Variants in UNC5D observed in about 807,000 individuals in gnomAD.
UNC5D encodes unc-5 netrin receptor D.
In UNC5D, 39 loss-of-function variants were observed where a neutral mutation model predicts 105.4. The ratio of observed to expected loss-of-function variants is 0.37; its 90% CI spans 0.29 to 0.48. The LOEUF is 0.48. Among genes scored for constraint, UNC5D ranks in the 20% least tolerant of loss-of-function variants. The pLI, the probability that UNC5D is intolerant of heterozygous loss-of-function variation, is 0.98. For missense variants in UNC5D, 991 were observed against 1,202.4 expected (o/e 0.82, Z 2.60); for synonymous variants, 452 against 450.4 (o/e 1.00, Z -0.04).
At chr8:35,478,009 G>A (rs947278061) in intron 1 of UNC5D, among the ~76,000 whole-genome samples, 1 of 152,036 alleles carries the variant, frequency 6.6e-6, no homozygotes, top group Non-Finnish European at 1.5e-5. Flanking sequence ...TGAAGAGAAA[G>A]CCTTATATTA....
chr8:35,734,782 A>ATTTTTTTTTTTTT (rs1171276656), intron 11 of UNC5D, among the ~76,000 whole-genome samples: 2 of 126,724 alleles, frequency 1.6e-5, no homozygotes, highest in African/African-American at 6.4e-5. Flanking sequence ...CACACTTTAA[A>ATTTTTTTTTTTTT]TTTTTTTTTT....
chr8:35,380,091 G>GT lies in UNC5D; in HGVS notation c.103+144204_103+144205insT, dbSNP rs903684605. ...CTCTTAACCTATAATTGGGGGTGGG[G>GT]GGGGGGTCGGGGAGAGAGAGAGAGA... is the stretch of plus-strand genomic sequence containing the variant. On this transcript the variant is annotated intron_variant, in intron 1 of 16. Transcript: ENST00000404895. Among the ~76,000 whole-genome samples the GT allele has an allele frequency of 1.3e-4, 14 of 108,688 alleles. No individual in the cohort carries two copies. In the East Asian group the frequency reaches 3.6e-3, roughly 28 times the overall value. The allele number at this position is 108,688 out of a possible 152,430, so 71.3% of individuals were successfully genotyped here.
intron 1 of UNC5D, among the ~76,000 whole-genome samples, chr8:35,334,851 T>A (rs1810902166): frequency 1.3e-5 from 2 of 152,162 alleles, no homozygotes; most frequent in South Asian, 4.1e-4. Flanking sequence ...GTTTGATGAA[T>A]TTTGACTGAT....
At chr8:35,489,465 T>C (rs574119166) in intron 1 of UNC5D, among the ~76,000 whole-genome samples, 1 of 152,276 alleles carries the variant, frequency 6.6e-6, no homozygotes, top group South Asian at 2.1e-4. Flanking sequence ...TTCCTTAATC[T>C]CTCCTTAATC....
intron 1 of UNC5D, among the ~76,000 whole-genome samples, chr8:35,250,258 T>G (rs1244469469): frequency 1.3e-5 from 2 of 152,150 alleles, no homozygotes; most frequent in Admixed American, 1.3e-4. Flanking sequence ...ACCCAGGGTT[T>G]TGTTTGTTGT....
At chr8:35,324,596 A>T (rs1810013483) in intron 1 of UNC5D, among the ~76,000 whole-genome samples, 1 of 152,182 alleles carries the variant, frequency 6.6e-6, no homozygotes, top group Admixed American at 6.5e-5. Context: ...TGTTAATTCC[A>T]TCTTAATGAT....
chr8:35,650,235 G>A (rs1272751749), intron 4 of UNC5D, among the ~76,000 whole-genome samples: 1 of 152,118 alleles, frequency 6.6e-6, no homozygotes, highest in Admixed American at 6.5e-5. Flanking sequence ...GATGACCGAG[G>A]CTCTGGCCTG....
At chr8:35,665,697 G>GT (rs1419567163) in intron 4 of UNC5D, among the ~76,000 whole-genome samples, 1 of 149,704 alleles carries the variant, frequency 6.7e-6, no homozygotes, top group African/African-American at 2.5e-5. Context: ...GAAGAATAGG[G>GT]TTTTGATCTC....
chr8:35,409,746 G>A (rs1328960967), intron 1 of UNC5D, among the ~76,000 whole-genome samples: 1 of 151,470 alleles, frequency 6.6e-6, no homozygotes, highest in African/African-American at 2.4e-5. Flanking sequence ...TCTTAATTTT[G>A]GTTTACCAAG....
chr8:35,317,432 T>C (rs1809390568), intron 1 of UNC5D, among the ~76,000 whole-genome samples: 1 of 152,154 alleles, frequency 6.6e-6, no homozygotes, highest in Non-Finnish European at 1.5e-5. Flanking sequence ...AACATCTTAG[T>C]AAGTTTGTTA....
At chr8:35,599,851 T>G (rs1054838721) in intron 4 of UNC5D, among the ~76,000 whole-genome samples, 2 of 152,220 alleles carry the variant, frequency 1.3e-5, no homozygotes, top group African/African-American at 4.8e-5. Flanking sequence ...GTGCACAACG[T>G]GCAGGTTAGT....
intron 1 of UNC5D, among the ~76,000 whole-genome samples, chr8:35,400,612 A>T (rs1804398133): frequency 6.6e-6 from 1 of 152,198 alleles, no homozygotes; most frequent in Non-Finnish European, 1.5e-5. Context: ...TCATTAGGGT[A>T]ACAAATATAC....
At chr8:35,594,392 C>T (rs1819364001) in intron 3 of UNC5D, among the ~76,000 whole-genome samples, 1 of 152,170 alleles carries the variant, frequency 6.6e-6, no homozygotes, top group Non-Finnish European at 1.5e-5. Context: ...GAGCTCTCCT[C>T]TTTACAGAGA....
intron 1 of UNC5D, among the ~76,000 whole-genome samples, chr8:35,242,813 GAGA>G (rs1312462847): frequency 6.6e-6 from 1 of 152,142 alleles, no homozygotes; most frequent in Non-Finnish European, 1.5e-5. Context: ...CTCAATATTG[GAGA>G]AGATTTGCCT....
chr8:35,737,279 TGTGTGTGTGTGTGTGTGTGTG>T (rs1350855760), intron 11 of UNC5D, among the ~76,000 whole-genome samples: 31 of 149,370 alleles, frequency 2.1e-4, no homozygotes, highest in African/African-American at 3.8e-4. Flanking sequence ...TGTGTGTGTG[TGTGTGTGTGTGTGTGTGTGTG>T]TTAATGTGTG....
chr8:35,257,424 C>T (rs1263843195), intron 1 of UNC5D, among the ~76,000 whole-genome samples: 1 of 152,146 alleles, frequency 6.6e-6, no homozygotes, highest in Non-Finnish European at 1.5e-5. Context: ...AGGCACCCTA[C>T]TAGTGTTATG....
intron 1 of UNC5D, among the ~76,000 whole-genome samples, chr8:35,261,180 G>T (rs749717428): frequency 5.3e-5 from 8 of 152,138 alleles, no homozygotes; most frequent in Non-Finnish European, 8.8e-5. Context: ...GCATCAAAGG[G>T]CCGCTTAAAA....
chr8:35,598,914 G>A (rs765484425), intron 4 of UNC5D, among the ~76,000 whole-genome samples: 4 of 152,046 alleles, frequency 2.6e-5, no homozygotes, highest in Admixed American at 2.0e-4. Flanking sequence ...AGGCCAAGGC[G>A]GGTGGATCGC....
chr8:35,615,169 G>T (rs982220360), intron 4 of UNC5D, among the ~76,000 whole-genome samples: 2 of 152,084 alleles, frequency 1.3e-5, no homozygotes, highest in Non-Finnish European at 2.9e-5. Context: ...AGCCCAGGAG[G>T]TTGAGGCTGT....
Sources: allele counts gnomAD v4.1 joint callset (sites outside exome capture counted in the v4.1 genomes callset), GRCh38; gene constraint gnomAD v4.1.1; transcripts MANE v1.5; gene names NCBI Gene and HGNC (gene_info 2026-07-23, HGNC 2026-07-21).